The following PDE3A variants were observed in gnomAD, a reference collection of about 807,000 sequenced individuals.
PDE3A encodes cGMP-inhibited 3',5'-cyclic phosphodiesterase 3A.
PDE3A carries 43 observed loss-of-function variants against 98.3 expected under a neutral mutation model. That is an observed-to-expected ratio of 0.44 (90% CI 0.34 to 0.56). PDE3A has a LOEUF of 0.56. Ranked by LOEUF, PDE3A falls within the 20% of genes least tolerant of loss-of-function variation. The pLI is 0.01. For missense variants in PDE3A, 1,427 were observed against 1,440.7 expected, an observed-to-expected ratio of 0.99 and a Z score of 0.15; for synonymous variants, 663 against 567.9, an observed-to-expected ratio of 1.17 and a Z score of -2.38.
intron 2 of PDE3A, among the ~76,000 whole-genome samples, chr12:20,570,283 C>G (rs1170324642): frequency 1.3e-5 from 2 of 151,672 alleles, no homozygotes; most frequent in Non-Finnish European, 2.9e-5. Flanking sequence ...TGGTGCATAC[C>G]TGTAATCCCA....
At chr12:20,517,055 G>T (rs547153900) in intron 1 of PDE3A, among the ~76,000 whole-genome samples, 1 of 152,324 alleles carries the variant, frequency 6.6e-6, no homozygotes, top group African/African-American at 2.4e-5. Flanking sequence ...GAATGGCAAA[G>T]TTGCCAGTAA....
rs929512587 is a variant in PDE3A, at chr12:20,684,790, A to T, written c.*4519A>T. On this transcript the variant is annotated 3_prime_UTR_variant, in exon 16 of 16. Coordinates refer to ENST00000359062, the MANE Select transcript of PDE3A (RefSeq NM_000921.5). The stretch of plus-strand genomic sequence containing the variant: ...CCTATGTTCACACATCAATTTGTTC[A>T]TCTGGAAGATATTCAAATTCTTATT... Among the ~76,000 whole-genome samples, 1 of 152,242 alleles carries T rather than the reference A, an allele frequency of 6.6e-6. No homozygotes were observed. The highest frequency in any genetic ancestry group is 2.4e-5 in the African/African-American group (1 of 41,476).
At chr12:20,516,762 A>G (rs953668526) in intron 1 of PDE3A, among the ~76,000 whole-genome samples, 3 of 152,212 alleles carry the variant, frequency 2.0e-5, no homozygotes, top group African/African-American at 7.2e-5. Context: ...GTTAAGTTAA[A>G]TATTTTTCTA....
At chr12:20,570,044 C>T (rs910919987) in intron 2 of PDE3A, among the ~76,000 whole-genome samples, 1 of 151,966 alleles carries the variant, frequency 6.6e-6, no homozygotes, top group Non-Finnish European at 1.5e-5. Context: ...GAAACAGTGT[C>T]CCAGATGAGG....
At position 20,369,599 on chromosome 12, in the gene PDE3A, G is replaced by T; in HGVS notation, c.315G>T (p.Pro105=). 3.8e-6 allele frequency: 6 copies of T among 1,565,662 alleles called. No individual in the cohort carries two copies. Among genetic ancestry groups the T allele is most frequent in the Non-Finnish European group, 5.2e-6 (6 of 1,156,378 alleles). ...CGGCGGAGGAGGAGGAAGCAGCCCC[G>T]GGAGCAGAAGGGGGCGTCTTCCCGG... ...AAAAEEEEAA[P]GAEGGVFPGP... The change falls in exon 1 of 16, where the codon CCG becomes CCT. Residue 105 remains proline, a synonymous_variant. Transcript: ENST00000359062.
chr12:20,559,658 G>A (rs1396106041), intron 2 of PDE3A, among the ~76,000 whole-genome samples: 1 of 147,946 alleles, frequency 6.8e-6, no homozygotes, highest in African/African-American at 2.5e-5. Context: ...GCAACAGAAC[G>A]AGACCCCATA....
At position 20,648,753 on chromosome 12, in the gene PDE3A, C is replaced by A. The variant is rs1944836827; in HGVS notation, c.2631C>A (p.Phe877Leu). ...NHHAAAAWNL[F>L]MSRPEYNFLI... ...ACGCAGCTGCTGCATGGAATCTTTT[C>A]ATGTCCCGGCCAGAGTATAACTTCT... Residue 877 changes from phenylalanine to leucine, a missense_variant, in exon 13 of 16, where the codon TTC becomes TTA. Physicochemically the swap from Phe to Leu is conservative, Grantham distance 22. Transcript: ENST00000359062. The A allele has an allele frequency of 3.7e-6, 6 of 1,612,944 alleles. No homozygotes were observed. The highest frequency in any genetic ancestry group is 1.6e-4 in the Middle Eastern group (1 of 6,082).
intron 1 of PDE3A, among the ~76,000 whole-genome samples, chr12:20,425,258 GT>G (rs1260638048): frequency 1.3e-5 from 2 of 151,844 alleles, no homozygotes; most frequent in East Asian, 1.9e-4. Context: ...AAGCCAGTGG[GT>G]TTTTTTTCCA....
intron 15 of PDE3A, among the ~76,000 whole-genome samples, chr12:20,670,957 C>T (rs1242374156): frequency 1.6e-5 from 2 of 124,260 alleles, no homozygotes; most frequent in Non-Finnish European, 3.3e-5. Flanking sequence ...ACTAGCAAGA[C>T]TAATAAAGAA....
chr12:20,492,917 T>C (rs1331703465), intron 1 of PDE3A, among the ~76,000 whole-genome samples: 1 of 152,054 alleles, frequency 6.6e-6, no homozygotes, highest in Non-Finnish European at 1.5e-5. Context: ...GAATAAAGAC[T>C]TACAAGCAAA....
chr12:20,672,159 C>T (rs1367022251), intron 15 of PDE3A, among the ~76,000 whole-genome samples: 1 of 148,986 alleles, frequency 6.7e-6, no homozygotes, highest in African/African-American at 2.5e-5. Flanking sequence ...AGGACCTCTT[C>T]AAGGAGAACT....
At position 20,638,594 on chromosome 12, in the gene PDE3A, G is replaced by A. The variant is rs1015883454; in HGVS notation, c.2140-1252G>A. 3.9e-5 allele frequency among the ~76,000 whole-genome samples: 6 copies of A among 152,060 alleles called. No homozygotes were observed. The South Asian group carries it at 1.2e-3, about 32-fold the overall frequency. On this transcript the variant is annotated intron_variant, in intron 9 of 15. Coordinates refer to ENST00000359062, the MANE Select transcript of PDE3A (RefSeq NM_000921.5). ...CAATTCACCTTAGCCTCATACTTTA[G>A]GGATCCCCCTGGGAGATTGTGTATT...
intron 2 of PDE3A, among the ~76,000 whole-genome samples, chr12:20,610,614 A>G (rs1307717768): frequency 6.6e-6 from 1 of 151,996 alleles, no homozygotes; most frequent in Non-Finnish European, 1.5e-5. Context: ...TAAATACCAT[A>G]AGCATCTGTC....
intron 1 of PDE3A, among the ~76,000 whole-genome samples, chr12:20,425,693 A>C (rs546787967): frequency 3.2e-4 from 48 of 152,284 alleles, no homozygotes; most frequent in African/African-American, 1.1e-3. Context: ...AGTTCTATTT[A>C]AGAGAACTAA....
chr12:20,534,903 T>A (rs1194426614), intron 1 of PDE3A, among the ~76,000 whole-genome samples: 1 of 152,150 alleles, frequency 6.6e-6, no homozygotes, highest in Admixed American at 6.5e-5. Flanking sequence ...TGTATTGCAA[T>A]TGAAATGAAT....
At chr12:20,371,451 GA>G in intron 1 of PDE3A, 2 of 982,500 alleles carry the variant, frequency 2.0e-6, no homozygotes, top group Non-Finnish European at 1.2e-6. Context: ...CAACTTTAGG[GA>G]GCAAGAGAAT....
intron 9 of PDE3A, among the ~76,000 whole-genome samples, chr12:20,637,571 CTATT>C (rs1188516157): frequency 1.3e-5 from 2 of 152,040 alleles, no homozygotes; most frequent in Non-Finnish European, 2.9e-5. Flanking sequence ...AGAAAACTGC[CTATT>C]TAGAGATACT....
chr12:20,577,450 C>T (rs1228542711), intron 2 of PDE3A, among the ~76,000 whole-genome samples: 2 of 152,168 alleles, frequency 1.3e-5, no homozygotes, highest in African/African-American at 4.8e-5. Context: ...CCCCTCTCCT[C>T]ACAGTGTTAT....
chr12:20,420,133 A>C (rs559018102), intron 1 of PDE3A, among the ~76,000 whole-genome samples: 2 of 152,278 alleles, frequency 1.3e-5, no homozygotes, highest in East Asian at 1.9e-4. Flanking sequence ...ATATGGAAAA[A>C]TATTTAGATC....
Sources: allele counts gnomAD v4.1 joint callset (sites outside exome capture counted in the v4.1 genomes callset), GRCh38; gene constraint gnomAD v4.1.1; transcripts MANE v1.5; gene names NCBI Gene and HGNC (gene_info 2026-07-23, HGNC 2026-07-21).